Variants in EBF1 observed in about 807,000 individuals in gnomAD.
EBF1 encodes the protein transcription factor COE1.
Under a neutral mutation model 68.4 loss-of-function variants are expected in EBF1, and 10 were observed. The observed-to-expected ratio is 0.15, with a 90% CI of 0.09 to 0.25. The LOEUF is 0.25. Ranked by LOEUF, EBF1 falls within the 10% of genes least tolerant of loss-of-function variation. The pLI, the probability that EBF1 is intolerant of heterozygous loss-of-function variation, is 1.00. For missense variants in EBF1, 509 were observed against 794.4 expected (o/e 0.64, Z 4.32); for synonymous variants, 298 against 299.8 (o/e 0.99, Z 0.06).
rs368951756 is a variant in EBF1 at position 158,790,842 on chromosome 5, GT to G, written c.909+5502del. ...AAAGACCTATCAATAGGGAGATGCA[GT>G]TTTGTGGCCAATTAAATTGTTTTGA... On this transcript the variant is annotated intron_variant, in intron 9 of 15. Transcript: ENST00000313708. 1.4e-3 allele frequency among the ~76,000 whole-genome samples: 218 copies of G among 152,340 alleles called. 1 individual carries two copies. Among genetic ancestry groups the G allele is most frequent in the African/African-American group, 5.0e-3 (206 of 41,564 alleles).
intron 6 of EBF1, among the ~76,000 whole-genome samples, chr5:158,941,785 T>G (rs762344020): frequency 1.6e-4 from 25 of 152,306 alleles, no homozygotes; most frequent in Admixed American, 1.2e-3. Context: ...CAGATGGTGA[T>G]GAGTCCAAGG....
chr5:158,821,110 C>T (rs1480321298), intron 8 of EBF1, among the ~76,000 whole-genome samples: 2 of 152,204 alleles, frequency 1.3e-5, no homozygotes, highest in Admixed American at 6.5e-5. Flanking sequence ...CAGCCCACTT[C>T]CCTATCTACA....
chr5:158,736,913 G>A (rs1409748651), intron 10 of EBF1, among the ~76,000 whole-genome samples: 1 of 152,140 alleles, frequency 6.6e-6, no homozygotes, highest in Admixed American at 6.5e-5. Flanking sequence ...TATTGTTCAC[G>A]AGGAAATTTG....
chr5:158,844,961 C>T (rs775717886), intron 6 of EBF1, among the ~76,000 whole-genome samples: 13 of 152,096 alleles, frequency 8.5e-5, no homozygotes, highest in African/African-American at 1.2e-4. Context: ...TTTCATGTGA[C>T]CAGCACGGTA....
chr5:158,849,725 C>A (rs1792251861), intron 6 of EBF1, among the ~76,000 whole-genome samples: 1 of 152,176 alleles, frequency 6.6e-6, no homozygotes, highest in Admixed American at 6.5e-5. Flanking sequence ...TGAATTATAG[C>A]ACAAAGATTA....
At chr5:159,081,528 C>T (rs1056193603) in intron 5 of EBF1, among the ~76,000 whole-genome samples, 4 of 152,170 alleles carry the variant, frequency 2.6e-5, no homozygotes, top group African/African-American at 9.7e-5. Context: ...AACAATAGGA[C>T]TTGACTCAGG....
chr5:158,909,085 CG>C (rs1562273704), intron 6 of EBF1, among the ~76,000 whole-genome samples: 5 of 146,836 alleles, frequency 3.4e-5, no homozygotes, highest in Non-Finnish European at 7.5e-5. Context: ...ATTAATATAA[CG>C]GCACATGGGA....
chr5:159,095,192 G>T (rs140337034), intron 4 of EBF1, among the ~76,000 whole-genome samples: 2,187 of 152,254 alleles, frequency 0.014, 23 homozygotes, highest in African/African-American at 0.022. Context: ...TGGGGAAGCC[G>T]CCTCTGCCAC....
chr5:158,995,635 G>C (rs1021838133), intron 6 of EBF1, among the ~76,000 whole-genome samples: 5 of 152,208 alleles, frequency 3.3e-5, no homozygotes, highest in Non-Finnish European at 7.3e-5. Flanking sequence ...GTTAAGCTCT[G>C]TGAGCTTGGA....
At chr5:159,014,056 A>G (rs1765185005) in intron 6 of EBF1, among the ~76,000 whole-genome samples, 1 of 152,248 alleles carries the variant, frequency 6.6e-6, no homozygotes, top group South Asian at 2.1e-4. Flanking sequence ...AGCACACAAC[A>G]TAAAATTGAG....
intron 6 of EBF1, among the ~76,000 whole-genome samples, chr5:158,880,633 G>A (rs1309204179): frequency 6.6e-6 from 1 of 152,276 alleles, no homozygotes; most frequent in African/African-American, 2.4e-5. Flanking sequence ...AATGTCCCCA[G>A]CATCAAATTA....
intron 6 of EBF1, among the ~76,000 whole-genome samples, chr5:158,940,924 T>A (rs1340228028): frequency 6.6e-6 from 1 of 152,170 alleles, no homozygotes; most frequent in Non-Finnish European, 1.5e-5. Flanking sequence ...ATAATCATTA[T>A]CTGTGTAACA....
At position 159,099,330 on chromosome 5, in the gene EBF1, C is replaced by G. The variant is rs771172800; in HGVS notation, c.134+15G>C. On this transcript the variant is annotated intron_variant, in intron 1 of 15. Transcript: ENST00000313708. ...TCGCGGCTCACCTCGGCCGCGGTCC[C>G]CGCGCAGTACCCACCTCTGCGCCGC... The G allele has an allele frequency of 6.5e-6, 10 of 1,540,566 alleles. No individual in the cohort carries two copies. The highest frequency in any genetic ancestry group is 3.6e-5 in the South Asian group (3 of 82,784).
chr5:158,915,529 GAACTTTT>G (rs1806989957), intron 6 of EBF1, among the ~76,000 whole-genome samples: 1 of 152,170 alleles, frequency 6.6e-6, no homozygotes, highest in Non-Finnish European at 1.5e-5. Flanking sequence ...TCATGAACAA[GAACTTTT>G]AACTAGCATT....
chr5:158,826,613 T>A (rs1379622959), intron 7 of EBF1, among the ~76,000 whole-genome samples: 1 of 152,214 alleles, frequency 6.6e-6, no homozygotes, highest in Admixed American at 6.5e-5. Flanking sequence ...AATCACTATA[T>A]TTTTGGAATG....
At chr5:158,775,590 T>C (rs977974966) in intron 10 of EBF1, among the ~76,000 whole-genome samples, 4 of 152,050 alleles carry the variant, frequency 2.6e-5, no homozygotes, top group Admixed American at 6.6e-5. Context: ...GAGAAAACAT[T>C]TGGCCTCTGT....
At chr5:159,048,445 C>T (rs1772881077) in intron 6 of EBF1, among the ~76,000 whole-genome samples, 1 of 152,152 alleles carries the variant, frequency 6.6e-6, no homozygotes, top group Non-Finnish European at 1.5e-5. Flanking sequence ...GCCCAGCCTG[C>T]ACACCAGCAC....
chr5:158,967,113 G>T (rs1754334257), intron 6 of EBF1, among the ~76,000 whole-genome samples: 2 of 151,724 alleles, frequency 1.3e-5, no homozygotes, highest in Non-Finnish European at 2.9e-5. Context: ...ACTTATAAGG[G>T]GGGTGGGGAA....
chr5:158,929,259 A>G (rs1810347021), intron 6 of EBF1, among the ~76,000 whole-genome samples: 2 of 152,202 alleles, frequency 1.3e-5, no homozygotes, highest in African/African-American at 2.4e-5. Flanking sequence ...ATTCTCTACT[A>G]GTAGAGTATG....
Sources: gnomAD v4.1 joint callset for allele counts (sites outside exome capture counted in the v4.1 genomes callset) on GRCh38, gnomAD v4.1.1 for gene constraint, MANE v1.5 for transcripts, NCBI Gene and HGNC (gene_info 2026-07-23, HGNC 2026-07-21) for gene names.